SMG6: variants seen among roughly 807,000 people sequenced by gnomAD.
The protein encoded by SMG6 is telomerase-binding protein EST1A.
SMG6 carries 66 observed loss-of-function variants against 142.2 expected under a neutral mutation model. The observed-to-expected ratio is 0.46, with a 90% CI of 0.38 to 0.57. The LOEUF (loss-of-function observed/expected upper bound fraction) is 0.57. SMG6 is among the 20% of genes least tolerant of loss of function. SMG6 has a pLI of 0.00. For synonymous variants in SMG6, 779 were observed against 702.4 expected (o/e 1.11, Z -1.72); for missense variants, 1,793 against 1,832.0 (o/e 0.98, Z 0.39).
At chr17:2,111,657 G>A (rs142573231) in intron 13 of SMG6, among the ~76,000 whole-genome samples, 1 of 152,178 alleles carries the variant, frequency 6.6e-6, no homozygotes, top group South Asian at 2.1e-4. Flanking sequence ...TCCGGCCTTG[G>A]CCTCTTAAAG....
Position 2,207,664 on chromosome 17 carries a change from T to C in SMG6, c.2870-19149A>G, listed in dbSNP as rs1004811584. 6.6e-5 allele frequency among the ~76,000 whole-genome samples: 10 copies of C among 152,254 alleles called. No homozygotes were observed. The East Asian group carries it at 1.9e-3, about 29-fold the overall frequency. ...AAATGTATGGATATAAAGGGGGAAT[T>C]GTCTAGATTGTAAAATTTAATTTAG... is the stretch of plus-strand genomic sequence containing the variant. On this transcript the variant is annotated intron_variant, in intron 10 of 18. Coordinates refer to ENST00000263073, the MANE Select transcript of SMG6 (RefSeq NM_017575.5).
chr17:2,105,729 C>T (rs2069139291), intron 13 of SMG6, among the ~76,000 whole-genome samples: 1 of 152,046 alleles, frequency 6.6e-6, no homozygotes, highest in South Asian at 2.1e-4. Flanking sequence ...GATACCTGCC[C>T]TAAAAAGAGT....
chr17:2,121,633 GT>G (rs2069702451), intron 13 of SMG6, among the ~76,000 whole-genome samples: 2 of 107,644 alleles, frequency 1.9e-5, no homozygotes, highest in Non-Finnish European at 4.2e-5. Context: ...GTGTGTGTGT[GT>G]GTGTGTGTGT....
chr17:2,107,990 C>G (rs190437651), intron 13 of SMG6, among the ~76,000 whole-genome samples: 2 of 152,194 alleles, frequency 1.3e-5, no homozygotes, highest in Non-Finnish European at 2.9e-5. Context: ...CTAAGCACAC[C>G]TGCCTCGCCT....
intron 12 of SMG6, 78 bp downstream of exon 12, chr17:2,186,585 G>A: frequency 6.6e-7 from 1 of 1,520,294 alleles, no homozygotes; most frequent in Non-Finnish European, 9.0e-7. Context: ...AAGAAACAGA[G>A]CAGGATGAAG....
At position 2,300,134 on chromosome 17, in the gene SMG6, C is replaced by A. The variant is rs764137429; in HGVS notation, c.619G>T (p.Gly207Trp). Residue 207 changes from glycine (G) to tryptophan (W), a missense_variant, in exon 2 of 19, where the codon GGG (glycine) becomes TGG (tryptophan). Gly to Trp is a radical substitution (Grantham distance 184). Transcript: ENST00000263073. Reference sequence around the variant, plus strand: ...TCTCCTTTTGCAGCCCCTACTCTCCCACCACCTGGGCTCTTTTCTATCTCA... The same window carrying A: ...TCTCCTTTTGCAGCCCCTACTCTCCAACCACCTGGGCTCTTTTCTATCTCA... Reference protein sequence around the residue: ...RAEIEKSPGGGRVGAAKGEKG... With the variant: ...RAEIEKSPGGWRVGAAKGEKG... 1 of 1,614,152 alleles carries A rather than the reference C, an allele frequency of 6.2e-7. No homozygotes were observed. The highest frequency in any genetic ancestry group is 2.2e-5 in the East Asian group (1 of 44,888).
At chr17:2,083,660 A>G (rs1408030700) in intron 14 of SMG6, among the ~76,000 whole-genome samples, 1 of 152,228 alleles carries the variant, frequency 6.6e-6, no homozygotes, top group Non-Finnish European at 1.5e-5. Context: ...TTCCTTGTTC[A>G]TGAGGTTAAC....
intron 13 of SMG6, among the ~76,000 whole-genome samples, chr17:2,111,837 A>C (rs1476199306): frequency 9.9e-5 from 15 of 152,142 alleles, no homozygotes; most frequent in Non-Finnish European, 2.9e-5. Context: ...TGGTGAGAGG[A>C]GAGGCCTTTG....
chr17:2,170,638 T>C (rs1006055837), intron 13 of SMG6, among the ~76,000 whole-genome samples: 1 of 152,224 alleles, frequency 6.6e-6, no homozygotes, highest in African/African-American at 2.4e-5. Flanking sequence ...TACGTTTTTG[T>C]TGGAAAGGCA....
At chr17:2,099,934 C>T (rs2068959787) in intron 13 of SMG6, among the ~76,000 whole-genome samples, 1 of 152,226 alleles carries the variant, frequency 6.6e-6, no homozygotes, top group African/African-American at 2.4e-5. Context: ...GAGATTTCCG[C>T]TCACTGCAAC....
At chr17:2,154,679 A>G (rs1394761916) in intron 13 of SMG6, among the ~76,000 whole-genome samples, 15 of 152,184 alleles carry the variant, frequency 9.9e-5, no homozygotes, top group Admixed American at 9.8e-4. Context: ...GAAGGGATTA[A>G]TGTGCACAGA....
rs1415964044 is a variant in SMG6 at position 2,292,540 on chromosome 17, A to G, written c.2337+12T>C. On this transcript the variant is annotated intron_variant, in intron 6 of 18. Transcript: ENST00000263073. ...TGCAAAGCACTTTTCCCCTGTCCAC[A>G]GGATTTCTTACCGTATACACTGCCA... 6.2e-7 allele frequency: 1 copy of G among 1,613,778 alleles called. No individual in the cohort carries two copies. The highest frequency in any genetic ancestry group is 2.2e-5 in the East Asian group (1 of 44,884).
intron 16 of SMG6, among the ~76,000 whole-genome samples, chr17:2,066,652 TACAC>T (rs1161956483): frequency 0.018 from 2,097 of 119,556 alleles, 24 homozygotes; most frequent in Non-Finnish European, 0.023. Context: ...CATGTGGGAA[TACAC>T]ACACACACAC....
At chr17:2,238,079 G>A (rs1412999419) in intron 9 of SMG6, among the ~76,000 whole-genome samples, 1 of 152,072 alleles carries the variant, frequency 6.6e-6, no homozygotes, top group Non-Finnish European at 1.5e-5. Flanking sequence ...CACCCATCTC[G>A]GCCCTTCCCG....
intron 8 of SMG6, among the ~76,000 whole-genome samples, chr17:2,265,164 T>C (rs1466225401): frequency 6.6e-6 from 1 of 152,146 alleles, no homozygotes; most frequent in African/African-American, 2.4e-5. Context: ...TGTGGGCCGT[T>C]ACTGGCATCT....
intron 15 of SMG6, among the ~76,000 whole-genome samples, chr17:2,073,546 T>G (rs2068169894): frequency 6.6e-6 from 1 of 150,516 alleles, no homozygotes; most frequent in Non-Finnish European, 1.5e-5. Context: ...CCGTCTCTAC[T>G]AAAAATACAA....
chr17:2,202,750 G>A (rs766751959), intron 10 of SMG6, among the ~76,000 whole-genome samples: 24 of 152,148 alleles, frequency 1.6e-4, no homozygotes, highest in Non-Finnish European at 1.0e-4. Context: ...CTGAGAATTG[G>A]CACTGATAAC....
At chr17:2,218,095 T>C (rs1165711693) in intron 10 of SMG6, among the ~76,000 whole-genome samples, 1 of 151,630 alleles carries the variant, frequency 6.6e-6, no homozygotes. Flanking sequence ...TTTAAATGTC[T>C]GGCTGAGTAT....
rs1424949113 is a variant in SMG6 at position 2,298,912 on chromosome 17, T to C, written c.1841A>G (p.Gln614Arg). The C allele has an allele frequency of 6.2e-7, 1 of 1,612,606 alleles. No homozygotes were observed. Among genetic ancestry groups the C allele is most frequent in the Admixed American group, 1.7e-5 (1 of 59,904 alleles). The change falls in exon 2 of 19, where the codon CAA (glutamine) becomes CGA (arginine). Residue 614 changes from glutamine (Q) to arginine (R), a missense_variant. Transcript: ENST00000263073. ...AGAATAGACCACATCATACCTGAGT[T>C]GCGCCATCTTCTCCAGGCCCTCCGG... Reference protein sequence around the residue: ...ISPEGLEKMAQLRAELLQLYE... With the variant: ...ISPEGLEKMARLRAELLQLYE...
Sources: allele counts gnomAD v4.1 joint callset (sites outside exome capture counted in the v4.1 genomes callset), GRCh38; gene constraint gnomAD v4.1.1; transcripts MANE v1.5; gene names NCBI Gene and HGNC (gene_info 2026-07-23, HGNC 2026-07-21).